NRP1: variants seen among roughly 807,000 people sequenced by gnomAD.
NRP1 encodes neuropilin 1, also known as neuropilin-1.
Under a neutral mutation model 106.7 loss-of-function variants are expected in NRP1, and 35 were observed. That is an observed-to-expected ratio of 0.33 (90% CI 0.25 to 0.43). NRP1 has a LOEUF of 0.43. NRP1 is among the 20% of genes least tolerant of loss of function. The probability of loss-of-function intolerance (pLI) is 1.00; values close to 1 mark genes in which losing one functional copy is unlikely to be tolerated. For missense variants in NRP1, 1,024 were observed against 1,170.4 expected (o/e 0.87, Z 1.83); for synonymous variants, 437 against 417.9 (o/e 1.05, Z -0.56).
intron 3 of NRP1, among the ~76,000 whole-genome samples, chr10:33,269,906 G>T (rs1050045920): frequency 6.6e-6 from 1 of 152,106 alleles, no homozygotes; most frequent in Non-Finnish European, 1.5e-5. Context: ...CAAGCTAAGG[G>T]CTCCCACTGA....
chr10:33,305,641 C>T (rs886232429), intron 2 of NRP1, among the ~76,000 whole-genome samples: 1 of 151,732 alleles, frequency 6.6e-6, no homozygotes. Flanking sequence ...TCAGATTCTC[C>T]GTTAGCTGCC....
intron 6 of NRP1, among the ~76,000 whole-genome samples, chr10:33,231,596 G>C (rs969587100): frequency 6.6e-5 from 10 of 152,108 alleles, no homozygotes. Flanking sequence ...TACTCAACTG[G>C]ATTAACATTA....
chr10:33,197,788 G>A (rs952677848), intron 11 of NRP1, 79 bp from the exon 12 acceptor site: 28 of 741,180 alleles, frequency 3.8e-5, no homozygotes, highest in Admixed American at 9.4e-5. Flanking sequence ...GCTTACAAAT[G>A]TCTATCAGAG....
At chr10:33,273,174 T>C (rs569984734) in intron 2 of NRP1, among the ~76,000 whole-genome samples, 23 of 151,930 alleles carry the variant, frequency 1.5e-4, no homozygotes, top group Non-Finnish European at 3.1e-4. Flanking sequence ...TTTTAGGAAA[T>C]TGAATTATTC....
At chr10:33,315,474 T>C (rs1339008699) in intron 2 of NRP1, among the ~76,000 whole-genome samples, 4 of 152,338 alleles carry the variant, frequency 2.6e-5, no homozygotes, top group African/African-American at 7.2e-5. Context: ...TGGTTGTCAA[T>C]TGGCCAATTG....
intron 3 of NRP1, among the ~76,000 whole-genome samples, chr10:33,264,840 G>A (rs1204890373): frequency 2.0e-5 from 3 of 152,144 alleles, no homozygotes; most frequent in Non-Finnish European, 4.4e-5. Flanking sequence ...TGTGCACAAT[G>A]GCTCATGCCT....
chr10:33,288,304 A>G (rs1308983250), intron 2 of NRP1: 13 of 152,174 alleles, frequency 8.5e-5, no homozygotes, highest in African/African-American at 3.1e-4. Flanking sequence ...TTCATTTCTT[A>G]GAGATGGAGT....
intron 8 of NRP1, among the ~76,000 whole-genome samples, chr10:33,218,941 C>T (rs1839006610): frequency 6.6e-6 from 1 of 152,142 alleles, no homozygotes; most frequent in Non-Finnish European, 1.5e-5. Flanking sequence ...AAACAGGTCC[C>T]CTGCTCTCCT....
intron 2 of NRP1, among the ~76,000 whole-genome samples, chr10:33,289,408 A>G (rs1371712600): frequency 6.6e-6 from 1 of 152,160 alleles, no homozygotes; most frequent in Admixed American, 6.5e-5. Flanking sequence ...CTAGGTGCTT[A>G]TATCAATCTT....
chr10:33,185,075 C>A lies in NRP1; in HGVS notation c.2431+553G>T, dbSNP rs552518752. ...CCACCTAGTACAAGACCCATAAAGA[C>A]CAACTCTGAAATACTAGGCCAAGTC... On this transcript the variant is annotated intron_variant, in intron 15 of 16. Transcript: ENST00000374867. 3.9e-5 allele frequency among the ~76,000 whole-genome samples: 6 copies of A among 152,298 alleles called. No individual in the cohort carries two copies. The East Asian group carries it at 1.2e-3, about 29-fold the overall frequency.
chr10:33,224,681 A>T (rs1839520934), intron 7 of NRP1, among the ~76,000 whole-genome samples: 1 of 151,814 alleles, frequency 6.6e-6, no homozygotes, highest in Non-Finnish European at 1.5e-5. Context: ...TAAGCCCAGC[A>T]TCCATTAGCT....
chr10:33,280,530 GA>G (rs984825956), intron 2 of NRP1, among the ~76,000 whole-genome samples: 12 of 150,070 alleles, frequency 8.0e-5, no homozygotes, highest in Non-Finnish European at 1.3e-4. Context: ...GTTCTTCAGG[GA>G]AAAAAAAATA....
intron 6 of NRP1, among the ~76,000 whole-genome samples, chr10:33,238,376 G>A (rs1301444077): frequency 6.6e-6 from 1 of 152,210 alleles, no homozygotes; most frequent in Non-Finnish European, 1.5e-5. Flanking sequence ...TTCAGAGCAT[G>A]ATCTTCTAAT....
intron 6 of NRP1, among the ~76,000 whole-genome samples, chr10:33,226,991 C>T (rs1419352452): frequency 6.6e-6 from 1 of 152,166 alleles, no homozygotes; most frequent in Admixed American, 6.5e-5. Flanking sequence ...CAAGCCACTG[C>T]TCACTCATAT....
chr10:33,184,898 C>A (rs905271301), intron 15 of NRP1, among the ~76,000 whole-genome samples: 1 of 152,176 alleles, frequency 6.6e-6, no homozygotes, highest in Non-Finnish European at 1.5e-5. Flanking sequence ...TTATAATTAA[C>A]ATCCTATTAT....
chr10:33,197,133 A>G (rs1240885215), intron 12 of NRP1, among the ~76,000 whole-genome samples: 1 of 152,080 alleles, frequency 6.6e-6, no homozygotes, highest in Non-Finnish European at 1.5e-5. Context: ...AAGGATGAGG[A>G]GGTGCTGTTC....
In NRP1 at chr10:33,235,156, C is replaced by T. The variant is rs114534578; in HGVS notation, c.982-8867G>A. 5.0e-3 allele frequency among the ~76,000 whole-genome samples: 762 copies of T among 152,360 alleles called. 4 individuals are homozygous for T. The highest frequency in any genetic ancestry group is 0.017 in the African/African-American group (719 of 41,592). Reference sequence around the variant, plus strand: ...TTAAAAAAGAAATATTTAATTCTGACATGTTCTTTGAACTGGAGTCCCATC... The same window carrying T: ...TTAAAAAAGAAATATTTAATTCTGATATGTTCTTTGAACTGGAGTCCCATC... On this transcript the variant is annotated intron_variant, in intron 6 of 16. Coordinates refer to ENST00000374867, the MANE Select transcript of NRP1 (RefSeq NM_003873.7).
chr10:33,201,227 A>G (rs1051456304), intron 11 of NRP1: 4 of 152,178 alleles, frequency 2.6e-5, no homozygotes, highest in Non-Finnish European at 5.9e-5. Flanking sequence ...GCCCTATTTC[A>G]TTCAAAGCCT....
At chr10:33,197,319 T>C (rs1480860937) in intron 12 of NRP1, among the ~76,000 whole-genome samples, 1 of 152,234 alleles carries the variant, frequency 6.6e-6, no homozygotes. Flanking sequence ...AGTCGGGCTG[T>C]GCTGCCTGTG....
Sources: allele counts gnomAD v4.1 joint callset (sites outside exome capture counted in the v4.1 genomes callset), GRCh38; gene constraint gnomAD v4.1.1; transcripts MANE v1.5; gene names NCBI Gene and HGNC (gene_info 2026-07-23, HGNC 2026-07-21).